Variants in HPS4 observed in about 807,000 individuals in gnomAD.
HPS4 encodes the protein BLOC-3 complex member HPS4.
HPS4 carries 44 observed loss-of-function variants against 70.3 expected under a neutral mutation model. That is an observed-to-expected ratio of 0.63 (90% CI 0.49 to 0.80). The LOEUF is 0.80. HPS4 is among the 30% of genes least tolerant of loss of function. HPS4 has a pLI of 0.00. For synonymous variants in HPS4, 377 were observed against 355.9 expected (o/e 1.06, Z -0.67); for missense variants, 873 against 884.4 (o/e 0.99, Z 0.16).
chr22:26,478,749 G>A (rs954176148), intron 3 of HPS4, among the ~76,000 whole-genome samples: 1 of 75,078 alleles, frequency 1.3e-5, no homozygotes, highest in Non-Finnish European at 3.2e-5. Context: ...CAATGGCGCA[G>A]TCTCTGCTCA....
chr22:26,483,825 T>C (rs1167266394), upstream of HPS4: 8 of 1,258,286 alleles, frequency 6.4e-6, no homozygotes, highest in South Asian at 7.0e-5. Context: ...CCCCTCCAGC[T>C]CCTGGCAAGC....
chr22:26,457,210 CTTTTTTT>C (rs1555889771), intron 13 of HPS4, among the ~76,000 whole-genome samples: 2 of 25,584 alleles, frequency 7.8e-5, no homozygotes, highest in South Asian at 2.5e-3. Context: ...GCACGTATTA[CTTTTTTT>C]TTTTTTTTTT....
chr22:26,454,444 GTTT>G (rs2085725906), intron 13 of HPS4, among the ~76,000 whole-genome samples: 1 of 152,190 alleles, frequency 6.6e-6, no homozygotes, highest in African/African-American at 2.4e-5. Flanking sequence ...CCTCATTGGT[GTTT>G]TTGTTTTGTT....
intron 8 of HPS4, chr22:26,466,726 T>TACCCAATCTCTCGTTTGTTCATGCTAG: frequency 4.6e-6 from 1 of 218,460 alleles, no homozygotes; most frequent in Non-Finnish European, 9.3e-6. Flanking sequence ...CAAAATGCTA[T>TACCCAATCTCTCGTTTGTTCATGCTAG]ACCCAATCTC....
chr22:26,465,678 C>T, intron 9 of HPS4, 127 bp from the exon 10 acceptor site: 4 of 761,104 alleles, frequency 5.3e-6, no homozygotes, highest in Non-Finnish European at 6.7e-6. Flanking sequence ...TGAGTGCATT[C>T]CTCAGCCAGG....
intron 1 of HPS4, chr22:26,482,936 A>G (rs1322571894): frequency 6.6e-6 from 1 of 152,214 alleles, no homozygotes; most frequent in Non-Finnish European, 1.5e-5. Context: ...TCACTTCAAA[A>G]CTATTGTCTA....
chr22:26,468,417 G>C, intron 8 of HPS4, 134 bp downstream of exon 8: 1 of 761,012 alleles, frequency 1.3e-6, no homozygotes, highest in Non-Finnish European at 2.3e-6. Flanking sequence ...AATGACATTG[G>C]AGGACTTGGG....
intron 3 of HPS4, 67 bp downstream of exon 3, chr22:26,479,198 C>T (rs1488738574): frequency 1.3e-6 from 2 of 1,515,050 alleles, no homozygotes; most frequent in African/African-American, 1.4e-5. Context: ...AAACCCCATA[C>T]TTTTGAAAAG....
intron 11 of HPS4, 115 bp from the exon 12 acceptor site, chr22:26,458,692 C>G: frequency 8.0e-7 from 1 of 1,251,060 alleles, no homozygotes; most frequent in African/African-American, 1.5e-5. Flanking sequence ...CACGGTGGCT[C>G]ACACCTGTAA....
chr22:26,460,482 C>T lies in HPS4; in HGVS notation c.1714-1905G>A, dbSNP rs553020236. Among the ~76,000 whole-genome samples the T allele has an allele frequency of 5.9e-4, 90 of 152,362 alleles. 1 individual carries two copies. The highest frequency in any genetic ancestry group is 6.8e-3 in the Middle Eastern group (2 of 294). ...TTTTTGGACCTCAAGAACGTGCTAACAGTCATCCCTTCCATGCTGAGCTGG... is the reference window on the plus strand; with the variant it reads ...TTTTTGGACCTCAAGAACGTGCTAATAGTCATCCCTTCCATGCTGAGCTGG... On this transcript the variant is annotated intron_variant, in intron 11 of 13. Transcript: ENST00000398145.
At position 26,451,163 on chromosome 22, in the gene HPS4, T is replaced by C. The variant is rs1243100194; in HGVS notation, c.*2070A>G. On this transcript the variant is annotated 3_prime_UTR_variant, in exon 14 of 14. Transcript: ENST00000398145. The stretch of plus-strand genomic sequence containing the variant: ...CCTTGGGAAACATGGCCATAAGAGG[T>C]TGTGGTGCCCATTCCAGCAAGAACA... Among the ~76,000 whole-genome samples the C allele has an allele frequency of 6.6e-6, 1 of 152,012 alleles. No homozygotes were observed. The highest frequency in any genetic ancestry group is 1.5e-5 in the Non-Finnish European group (1 of 67,994).
At chr22:26,480,753 CA>C (rs886363546) in intron 2 of HPS4, among the ~76,000 whole-genome samples, 2 of 151,970 alleles carry the variant, frequency 1.3e-5, no homozygotes, top group African/African-American at 4.8e-5. Flanking sequence ...CCCATCTCCA[CA>C]AAAAACAGAC....
chr22:26,468,338 C>A, intron 8 of HPS4: 2 of 587,982 alleles, frequency 3.4e-6, no homozygotes, highest in Non-Finnish European at 6.1e-6. Flanking sequence ...GAAAAAACAA[C>A]TATCCAGGCC....
At position 26,472,360 on chromosome 22, in the gene HPS4, T is replaced by A; in HGVS notation, c.443A>T (p.Lys148Ile). 1 of 1,614,096 alleles carries A rather than the reference T, an allele frequency of 6.2e-7. No homozygotes were observed. The highest frequency in any genetic ancestry group is 1.1e-5 in the South Asian group (1 of 91,080). ...EWDTFIEQIL[K>I]NTSDLHKIFN... Reference sequence around the variant, plus strand: ...AATCTTATGCAGATCACTGGTGTTTTTCAGAATTTGCTCGATGAAGGTGTC... The same window carrying A: ...AATCTTATGCAGATCACTGGTGTTTATCAGAATTTGCTCGATGAAGGTGTC... The change falls in exon 6 of 14, where the codon AAA becomes ATA. Residue 148 changes from lysine to isoleucine, a missense_variant. Coordinates refer to ENST00000398145, the MANE Select transcript of HPS4 (RefSeq NM_022081.6).
At chr22:26,480,775 A>C (rs1265488600) in intron 2 of HPS4, among the ~76,000 whole-genome samples, 1 of 152,076 alleles carries the variant, frequency 6.6e-6, no homozygotes, top group Non-Finnish European at 1.5e-5. Context: ...AAAATTAGCC[A>C]GGCATGGTGG....
At chr22:26,483,004 G>T (rs1569141196) in intron 1 of HPS4, 1 of 152,202 alleles carries the variant, frequency 6.6e-6, no homozygotes, top group Non-Finnish European at 1.5e-5. Context: ...TCAAATGTTT[G>T]CTCACCATTC....
chr22:26,455,979 A>G (rs2146305729), intron 13 of HPS4, among the ~76,000 whole-genome samples: 1 of 152,340 alleles, frequency 6.6e-6, no homozygotes, highest in Admixed American at 6.5e-5. Flanking sequence ...CAGTGACTGT[A>G]GATGCAAGTT....
intron 11 of HPS4, among the ~76,000 whole-genome samples, chr22:26,460,353 T>C (rs2086993345): frequency 1.3e-5 from 2 of 152,264 alleles, no homozygotes; most frequent in East Asian, 1.9e-4. Context: ...CGTTTAACAC[T>C]GAGCCTCTTA....
chr22:26,449,096 A>G (rs2085052492), downstream of HPS4, among the ~76,000 whole-genome samples: 1 of 152,048 alleles, frequency 6.6e-6, no homozygotes, highest in Non-Finnish European at 1.5e-5. Flanking sequence ...CAGGGCAGGA[A>G]TCTATCTCCT....
Sources: allele counts gnomAD v4.1 joint callset (sites outside exome capture counted in the v4.1 genomes callset), GRCh38; gene constraint gnomAD v4.1.1; transcripts MANE v1.5; gene names NCBI Gene and HGNC (gene_info 2026-07-23, HGNC 2026-07-21).